Variants in PCLAF observed in about 807,000 individuals in gnomAD.
PCLAF encodes the protein PCNA clamp associated factor, also known as PCNA-associated factor.
PCLAF carries 12 observed loss-of-function variants against 15.1 expected under a neutral mutation model. The observed-to-expected ratio is 0.79, with a 90% confidence interval of 0.51 to 1.29. The LOEUF is 1.29. PCLAF is among the 50% of genes most tolerant of loss of function. The probability of loss-of-function intolerance (pLI) is 0.00; values close to 1 mark genes in which losing one functional copy is unlikely to be tolerated. For synonymous variants in PCLAF, 33 were observed against 47.1 expected, an observed-to-expected ratio of 0.70 and a Z score of 1.22; for missense variants, 116 against 130.9, an observed-to-expected ratio of 0.89 and a Z score of 0.56.
chr15:64,373,730 G>C, intron 3 of PCLAF: 1 of 1,535,870 alleles, frequency 6.5e-7, no homozygotes, highest in Non-Finnish European at 8.7e-7. Flanking sequence ...TGTCCAGCTT[G>C]CTGCTCAGTG....
intron 1 of PCLAF, 108 bp downstream of exon 1, chr15:64,381,218 A>G (rs946157792): frequency 7.2e-7 from 1 of 1,379,396 alleles, no homozygotes; most frequent in Non-Finnish European, 1.0e-6. Context: ...CTGGCTAGCT[A>G]GATGAGTTTG....
chr15:64,384,255 G>A (rs1463513254), upstream of PCLAF, among the ~76,000 whole-genome samples: 4 of 151,944 alleles, frequency 2.6e-5, no homozygotes, highest in East Asian at 1.9e-4. Context: ...TGCCTCAGCC[G>A]CCCATGTAGC....
intron 3 of PCLAF, among the ~76,000 whole-genome samples, chr15:64,369,338 G>A (rs567345168): frequency 1.1e-4 from 14 of 127,370 alleles, no homozygotes; most frequent in Non-Finnish European, 1.1e-4. Context: ...TCCAGCCTGA[G>A]TAACAGAGCA....
chr15:64,387,010 CAT>C (rs914521694), intron 1 of PCLAF, among the ~76,000 whole-genome samples: 1 of 152,142 alleles, frequency 6.6e-6, no homozygotes, highest in African/African-American at 2.4e-5. Context: ...GTTGAGAACT[CAT>C]GTGGAAAGTC....
rs1197146347 is a variant in PCLAF, at chr15:64,365,661, T to C, written c.*369A>G. ...TTAAAGCAAGTAGAAGGAGTGACAA[T>C]ATGGCACCATTCCAATAATCAAACA... On this transcript the variant is annotated 3_prime_UTR_variant, in exon 4 of 4. Coordinates refer to ENST00000300035, the MANE Select transcript of PCLAF (RefSeq NM_014736.6). 1.4e-5 allele frequency: 3 copies of C among 208,742 alleles called. No homozygotes were observed. Among genetic ancestry groups the C allele is most frequent in the Non-Finnish European group, 2.9e-5 (3 of 105,220 alleles). 12.9% of individuals were successfully genotyped at this position (208,742 alleles called of 1,614,324 possible).
At chr15:64,387,373 C>T in intron 1 of PCLAF, 2 of 941,756 alleles carry the variant, frequency 2.1e-6, no homozygotes, top group Middle Eastern at 4.7e-4. Flanking sequence ...CAGTGCGAGA[C>T]TCCGTCTCAA....
chr15:64,384,921 ACAGGGTCT>A (rs1230769656), upstream of PCLAF, among the ~76,000 whole-genome samples: 2 of 151,988 alleles, frequency 1.3e-5, no homozygotes, highest in East Asian at 3.8e-4. Context: ...TTTTTTTGAG[ACAGGGTCT>A]CACTCTGTCA....
rs984043814 is a variant in PCLAF at position 64,373,433 on chromosome 15, G to A, written c.290+3310C>T. 9 of 394,280 alleles carry A rather than the reference G, an allele frequency of 2.3e-5. No individual in the cohort carries two copies. The Admixed American group carries it at 2.8e-4, about 12-fold the overall frequency. 24.4% of individuals were successfully genotyped at this position (394,280 alleles called of 1,614,324 possible). On this transcript the variant is annotated intron_variant, in intron 3 of 3. Transcript: ENST00000300035. ...TTTTCCTTGCCACATTGAACTTCTA[G>A]GCACCATTTGGATTCGGTTTTAGTG...
At chr15:64,378,402 T>C (rs1054905496) in intron 2 of PCLAF, among the ~76,000 whole-genome samples, 16 of 152,216 alleles carry the variant, frequency 1.1e-4, no homozygotes, top group African/African-American at 3.6e-4. Context: ...GTTGTTTCCA[T>C]ATAGACTCTG....
intron 2 of PCLAF, among the ~76,000 whole-genome samples, chr15:64,380,420 C>CA (rs1281568570): frequency 1.3e-5 from 2 of 151,752 alleles, no homozygotes; most frequent in Non-Finnish European, 2.9e-5. Context: ...AATACTAAAC[C>CA]AAAAAACAAA....
upstream of PCLAF, among the ~76,000 whole-genome samples, chr15:64,384,909 T>A (rs577918320): frequency 2.0e-5 from 3 of 152,192 alleles, no homozygotes; most frequent in South Asian, 6.2e-4. Context: ...AATGCCTTTT[T>A]CTTTTTTTGA....
At chr15:64,375,172 T>G (rs529479051) in intron 3 of PCLAF, among the ~76,000 whole-genome samples, 86 of 152,286 alleles carry the variant, frequency 5.6e-4, no homozygotes, top group African/African-American at 2.0e-3. Context: ...TCCCCCAGGC[T>G]GGAGTGCAGT....
chr15:64,385,452 C>T (rs987440385), upstream of PCLAF, among the ~76,000 whole-genome samples: 4 of 151,644 alleles, frequency 2.6e-5, no homozygotes, highest in Non-Finnish European at 5.9e-5. Flanking sequence ...ATGGAGAAAC[C>T]CCATCTCTAC....
intron 1 of PCLAF, 37 bp from the exon 2 acceptor site, chr15:64,381,075 C>A: frequency 6.3e-7 from 1 of 1,597,536 alleles, no homozygotes; most frequent in Non-Finnish European, 8.6e-7. Flanking sequence ...TCAGAAGGGG[C>A]AGGAGGGTTC....
intron 3 of PCLAF, among the ~76,000 whole-genome samples, chr15:64,369,231 T>C (rs1472327505): frequency 6.6e-6 from 1 of 151,874 alleles, no homozygotes; most frequent in Non-Finnish European, 1.5e-5. Context: ...AGCAATGGCA[T>C]GCATCTATAG....
At chr15:64,381,704 G>C (rs1295954339), upstream of PCLAF, among the ~76,000 whole-genome samples, 1 of 152,202 alleles carries the variant, frequency 6.6e-6, no homozygotes, top group Non-Finnish European at 1.5e-5. Context: ...CTGAACTACA[G>C]AAATGAGCCT....
At chr15:64,366,565 C>T (rs768074804) in intron 3 of PCLAF, among the ~76,000 whole-genome samples, 2 of 152,138 alleles carry the variant, frequency 1.3e-5, no homozygotes, top group Non-Finnish European at 2.9e-5. Context: ...TGGCCAGACA[C>T]AGTGACTTAC....
At chr15:64,387,619 C>T (rs1297659071) in exon 1 of PCLAF, 5 of 1,388,210 alleles carry the variant, frequency 3.6e-6, no homozygotes, top group Non-Finnish European at 4.7e-6. Flanking sequence ...TCGAGTCCTA[C>T]GTTTAGCGAT....
chr15:64,366,490 C>T (rs1304694510), intron 3 of PCLAF, among the ~76,000 whole-genome samples: 2 of 152,056 alleles, frequency 1.3e-5, no homozygotes, highest in Non-Finnish European at 2.9e-5. Context: ...AGCAAGTTGT[C>T]CTTTGACTAT....
Sources: gnomAD v4.1 joint callset for allele counts (sites outside exome capture counted in the v4.1 genomes callset) on GRCh38, gnomAD v4.1.1 for gene constraint, MANE v1.5 for transcripts, NCBI Gene and HGNC (gene_info 2026-07-23, HGNC 2026-07-21) for gene names.